OCA2: variants seen among roughly 807,000 people sequenced by gnomAD.
The protein encoded by OCA2 is OCA2 melanosomal transmembrane protein.
OCA2 carries 77 observed loss-of-function variants against 100.2 expected under a neutral mutation model. The ratio of observed to expected loss-of-function variants is 0.77; its 90% CI spans 0.64 to 0.93. The LOEUF is 0.93. Among genes scored for constraint, OCA2 ranks in the 40% least tolerant of loss-of-function variants. OCA2 has a pLI of 0.00. For missense variants in OCA2, 1,062 were observed against 1,089.1 expected, an observed-to-expected ratio of 0.98 and a Z score of 0.35; for synonymous variants, 432 against 439.2, an observed-to-expected ratio of 0.98 and a Z score of 0.21.
At chr15:27,986,741 G>T in intron 11 of OCA2, 98 bp from the exon 12 acceptor site, 1 of 820,500 alleles carries the variant, frequency 1.2e-6, no homozygotes, top group Non-Finnish European at 2.2e-6. Context: ...TCTGGCCTCT[G>T]AAAGCCACCA....
chr15:27,791,298 C>T (rs2033068724), intron 23 of OCA2, among the ~76,000 whole-genome samples: 2 of 152,184 alleles, frequency 1.3e-5, no homozygotes, highest in Admixed American at 1.3e-4. Context: ...GATGAAAAGA[C>T]ACTCTTAATG....
chr15:28,095,589 T>C (rs1404272965), intron 1 of OCA2, among the ~76,000 whole-genome samples: 1 of 151,744 alleles, frequency 6.6e-6, no homozygotes, highest in African/African-American at 2.4e-5. Context: ...TGGTGGCGCG[T>C]GCCTGTAATC....
chr15:27,805,187 C>G (rs2033781022), intron 23 of OCA2, among the ~76,000 whole-genome samples: 1 of 152,260 alleles, frequency 6.6e-6, no homozygotes, highest in Non-Finnish European at 1.5e-5. Context: ...AGCGCAGGAG[C>G]TGCGTCCACG....
At chr15:28,056,856 C>G (rs1003810207) in intron 2 of OCA2, among the ~76,000 whole-genome samples, 3 of 152,236 alleles carry the variant, frequency 2.0e-5, no homozygotes, top group African/African-American at 7.2e-5. Context: ...CTGAGTGTCT[C>G]TCTCGGAGCC....
At chr15:27,976,613 G>C (rs2040974889) in intron 14 of OCA2, among the ~76,000 whole-genome samples, 1 of 152,042 alleles carries the variant, frequency 6.6e-6, no homozygotes, top group Non-Finnish European at 1.5e-5. Flanking sequence ...ACTTGGTTAA[G>C]ATGTATTACC....
intron 19 of OCA2, among the ~76,000 whole-genome samples, chr15:27,922,667 GTTTT>G (rs1324701801): frequency 2.8e-5 from 4 of 145,352 alleles, no homozygotes; most frequent in Admixed American, 1.4e-4. Flanking sequence ...AGCTTTTGTG[GTTTT>G]TTGTTTGGGG....
intron 16 of OCA2, among the ~76,000 whole-genome samples, chr15:27,955,837 C>T (rs1250928310): frequency 1.3e-5 from 2 of 152,064 alleles, no homozygotes; most frequent in African/African-American, 4.8e-5. Context: ...TCAGCCCCTT[C>T]AGTGGCTCCC....
chr15:27,729,835 T>C, the OCA2 span, among the ~76,000 whole-genome samples: 1 of 152,218 alleles, frequency 6.6e-6, no homozygotes, highest in Non-Finnish European at 1.5e-5. Flanking sequence ...TGTTTCATAA[T>C]TTACACTTCT....
At chr15:27,891,164 A>G (rs945616102) in intron 19 of OCA2, among the ~76,000 whole-genome samples, 2 of 152,236 alleles carry the variant, frequency 1.3e-5, no homozygotes, top group Admixed American at 1.3e-4. Flanking sequence ...TTATGTTGCC[A>G]TCTGATACTC....
the OCA2 span, among the ~76,000 whole-genome samples, chr15:27,744,059 A>G: frequency 1.3e-5 from 2 of 152,194 alleles, no homozygotes; most frequent in African/African-American, 4.8e-5. Context: ...CAGTTCGGGC[A>G]GTGCCCACAG....
chr15:27,974,447 C>G (rs957257633), intron 14 of OCA2, among the ~76,000 whole-genome samples: 1 of 152,096 alleles, frequency 6.6e-6, no homozygotes, highest in Non-Finnish European at 1.5e-5. Flanking sequence ...AGAAGTATTT[C>G]CTTATCTCCA....
chr15:28,017,208 T>C (rs532178810), intron 7 of OCA2, among the ~76,000 whole-genome samples: 1 of 152,284 alleles, frequency 6.6e-6, no homozygotes, highest in Admixed American at 6.5e-5. Flanking sequence ...ACTTCAGTGT[T>C]TGCAAAGAGC....
chr15:27,946,893 T>TTGTTTGA (rs1313671448), intron 18 of OCA2, among the ~76,000 whole-genome samples: 2 of 152,204 alleles, frequency 1.3e-5, no homozygotes, highest in Non-Finnish European at 2.9e-5. Context: ...CTGGCCTGCC[T>TTGTTTGA]TGTTTGACTG....
intron 11 of OCA2, among the ~76,000 whole-genome samples, chr15:27,988,767 C>T (rs10775263): frequency 0.17 from 25,358 of 151,938 alleles, 3,057 homozygotes; most frequent in East Asian, 0.7. Flanking sequence ...ACTCTGTATA[C>T]GTCTCAGGCC....
chr15:27,959,070 G>A (rs1240111039), intron 15 of OCA2, among the ~76,000 whole-genome samples: 1 of 152,214 alleles, frequency 6.6e-6, no homozygotes, highest in Non-Finnish European at 1.5e-5. Flanking sequence ...GAGGCAGTCT[G>A]GAAACGAAGC....
intron 23 of OCA2, among the ~76,000 whole-genome samples, chr15:27,780,765 G>A (rs1229161163): frequency 6.6e-6 from 1 of 152,168 alleles, no homozygotes; most frequent in Non-Finnish European, 1.5e-5. Context: ...GTGTTCTGAG[G>A]CGATATCCTT....
the OCA2 span, among the ~76,000 whole-genome samples, chr15:27,737,374 T>C: frequency 6.6e-6 from 1 of 152,234 alleles, no homozygotes; most frequent in East Asian, 1.9e-4. Flanking sequence ...AGGACAAAGT[T>C]GGAAGGCTTA....
rs375845683 is a variant in OCA2, at chr15:27,861,726, T to C, written c.2244+9428A>G. 1.1e-4 allele frequency among the ~76,000 whole-genome samples: 17 copies of C among 152,204 alleles called. 1 individual carries two copies. Among genetic ancestry groups the C allele is most frequent in the East Asian group, 9.7e-4 (5 of 5,178 alleles). On this transcript the variant is annotated intron_variant, in intron 21 of 23. Coordinates refer to ENST00000354638, the MANE Select transcript of OCA2 (RefSeq NM_000275.3). Reference sequence around the variant, plus strand: ...ATGGATTATGGAAGAAAAACTCAATTGCAGTAAAGCCAAGAAAAAGTGAAG... The same window carrying C: ...ATGGATTATGGAAGAAAAACTCAATCGCAGTAAAGCCAAGAAAAAGTGAAG...
intron 19 of OCA2, among the ~76,000 whole-genome samples, chr15:27,890,053 T>C (rs988275251): frequency 2.6e-5 from 4 of 152,164 alleles, no homozygotes; most frequent in Non-Finnish European, 5.9e-5. Context: ...CAGAATTTCT[T>C]AAAGCTTCTT....
Sources: allele counts gnomAD v4.1 joint callset (sites outside exome capture counted in the v4.1 genomes callset), GRCh38; gene constraint gnomAD v4.1.1; transcripts MANE v1.5; gene names NCBI Gene and HGNC (gene_info 2026-07-23, HGNC 2026-07-21).